Variants in HS6ST3 observed in about 807,000 individuals in gnomAD.
The protein encoded by HS6ST3 is heparan-sulfate 6-O-sulfotransferase 3.
Under a neutral mutation model 36.7 loss-of-function variants are expected in HS6ST3, and 12 were observed. That is an observed-to-expected ratio of 0.33 (90% CI 0.21 to 0.53). The LOEUF is 0.53. Ranked by LOEUF, HS6ST3 falls within the 20% of genes least tolerant of loss-of-function variation. HS6ST3 has a pLI of 0.95. For missense variants in HS6ST3, 584 were observed against 640.9 expected, an observed-to-expected ratio of 0.91 and a Z score of 0.96; for synonymous variants, 240 against 257.5, an observed-to-expected ratio of 0.93 and a Z score of 0.65.
At chr13:96,825,479 G>A (rs1406994301) in intron 1 of HS6ST3, among the ~76,000 whole-genome samples, 2 of 152,180 alleles carry the variant, frequency 1.3e-5, no homozygotes, top group Admixed American at 6.5e-5. Context: ...GCAGGCGGGT[G>A]CATGGCATTT....
At chr13:96,289,976 A>G (rs1158446677) in intron 1 of HS6ST3, among the ~76,000 whole-genome samples, 2 of 152,088 alleles carry the variant, frequency 1.3e-5, no homozygotes, top group Non-Finnish European at 2.9e-5. Context: ...TTCTCCCCAT[A>G]TGACCCTTCT....
intron 1 of HS6ST3, among the ~76,000 whole-genome samples, chr13:96,684,208 G>A (rs1006311742): frequency 6.6e-6 from 1 of 151,944 alleles, no homozygotes; most frequent in Non-Finnish European, 1.5e-5. Context: ...AATGTGTCTT[G>A]TCTCTTGATC....
At chr13:96,548,716 T>C (rs892623922) in intron 1 of HS6ST3, among the ~76,000 whole-genome samples, 2 of 152,230 alleles carry the variant, frequency 1.3e-5, no homozygotes, top group African/African-American at 2.4e-5. Context: ...CGTGGACTGC[T>C]GTAGAACCAG....
chr13:96,156,647 A>G (rs753999857), intron 1 of HS6ST3, among the ~76,000 whole-genome samples: 2 of 152,062 alleles, frequency 1.3e-5, no homozygotes, highest in African/African-American at 2.4e-5. Context: ...TGTGGGGAAG[A>G]GGATTGGTTT....
At chr13:96,334,630 C>T (rs916996190) in intron 1 of HS6ST3, among the ~76,000 whole-genome samples, 12 of 152,028 alleles carry the variant, frequency 7.9e-5, no homozygotes, top group Admixed American at 1.3e-4. Context: ...TACACAGTGG[C>T]GGGGAAGAGA....
At chr13:96,274,839 TCACACACACACACACACACACA>T (rs60430769) in intron 1 of HS6ST3, among the ~76,000 whole-genome samples, 14 of 126,184 alleles carry the variant, frequency 1.1e-4, no homozygotes, top group Admixed American at 2.4e-4. Flanking sequence ...ACTTAGTCCT[TCACACACACACACACACACACA>T]CACACACACA....
chr13:96,354,271 G>T (rs1028929702), intron 1 of HS6ST3, among the ~76,000 whole-genome samples: 1 of 152,098 alleles, frequency 6.6e-6, no homozygotes, highest in Non-Finnish European at 1.5e-5. Flanking sequence ...GCAGAACACT[G>T]GTTGCTATAA....
At chr13:96,407,533 T>A (rs1167101024) in intron 1 of HS6ST3, among the ~76,000 whole-genome samples, 1 of 152,198 alleles carries the variant, frequency 6.6e-6, no homozygotes, top group Non-Finnish European at 1.5e-5. Context: ...GGCGTTCACC[T>A]GGTTAGATAG....
rs1876225604 is a variant in HS6ST3, at chr13:96,734,169, C to G, written c.708-98321C>G. The stretch of plus-strand genomic sequence containing the variant: ...CCATGAGGACACGAACCAGATCTGT[C>G]ATTTCAGTGCATGCTGGCAGTGTGC... On this transcript the variant is annotated intron_variant, in intron 1 of 1. Transcript: ENST00000376705. Among the ~76,000 whole-genome samples, 3 of 152,228 alleles carry G rather than the reference C, an allele frequency of 2.0e-5. No individual in the cohort carries two copies. In the South Asian group the frequency reaches 6.2e-4, roughly 32 times the overall value.
intron 1 of HS6ST3, among the ~76,000 whole-genome samples, chr13:96,369,022 CT>C (rs2055276703): frequency 7.8e-6 from 1 of 128,064 alleles, no homozygotes; most frequent in Admixed American, 9.4e-5. Flanking sequence ...TGTGTTTGGA[CT>C]GAGGAGGATT....
At chr13:96,799,986 A>ATATATATATGTATATATATATATATG (rs1555325255) in intron 1 of HS6ST3, among the ~76,000 whole-genome samples, 4 of 124,298 alleles carry the variant, frequency 3.2e-5, no homozygotes, top group African/African-American at 1.2e-4. Flanking sequence ...ATATATGTAT[A>ATATATATATGTATATATATATATATG]TATATATATA....
chr13:96,169,155 T>C (rs2054175168), intron 1 of HS6ST3, among the ~76,000 whole-genome samples: 1 of 152,096 alleles, frequency 6.6e-6, no homozygotes, highest in Admixed American at 6.6e-5. Flanking sequence ...AGAGTTGAAA[T>C]GAAACTGAAG....
At chr13:96,485,440 T>G (rs2055909367) in intron 1 of HS6ST3, among the ~76,000 whole-genome samples, 1 of 152,198 alleles carries the variant, frequency 6.6e-6, no homozygotes, top group Admixed American at 6.6e-5. Context: ...TCTTGTATCC[T>G]GCAACCTTGC....
At chr13:96,632,272 G>T (rs375807368) in intron 1 of HS6ST3, among the ~76,000 whole-genome samples, 1 of 151,908 alleles carries the variant, frequency 6.6e-6, no homozygotes, top group African/African-American at 2.4e-5. Flanking sequence ...CTCAATCTGG[G>T]ACTTGCCACC....
chr13:96,186,130 T>C (rs1238554363), intron 1 of HS6ST3, among the ~76,000 whole-genome samples: 2 of 152,198 alleles, frequency 1.3e-5, no homozygotes, highest in Non-Finnish European at 2.9e-5. Flanking sequence ...TAATTTTTTT[T>C]CCCTGAAAAT....
intron 1 of HS6ST3, among the ~76,000 whole-genome samples, chr13:96,341,454 A>G (rs1227832563): frequency 6.6e-6 from 1 of 152,188 alleles, no homozygotes; most frequent in East Asian, 1.9e-4. Flanking sequence ...ATAAATCAAT[A>G]ATTTTTTGTA....
rs114331514 is a variant in HS6ST3 at position 96,498,913 on chromosome 13, A to G, written c.708-333577A>G. Among the ~76,000 whole-genome samples the G allele has an allele frequency of 4.8e-3, 727 of 152,352 alleles. 10 individuals carry two copies. The highest frequency in any genetic ancestry group is 0.016 in the African/African-American group (673 of 41,580). On this transcript the variant is annotated intron_variant, in intron 1 of 1. Coordinates refer to ENST00000376705, the MANE Select transcript of HS6ST3 (RefSeq NM_153456.4). ...AGAAAAGACTGAGTCATCCAGGTAC[A>G]ACAGAATATGTTAAATAAGATTTCT...
At chr13:96,248,339 GT>G (rs2054593442) in intron 1 of HS6ST3, among the ~76,000 whole-genome samples, 1 of 152,138 alleles carries the variant, frequency 6.6e-6, no homozygotes, top group Non-Finnish European at 1.5e-5. Context: ...TTCCCAGAGG[GT>G]TTGGCCTTTC....
chr13:96,622,926 T>A lies in HS6ST3; in HGVS notation c.708-209564T>A, dbSNP rs372755984. On this transcript the variant is annotated intron_variant, in intron 1 of 1. Transcript: ENST00000376705. Reference sequence around the variant, plus strand: ...CATTCCAGGTGGTTATTTTCAAGTCTGCCTGGCTTTATAATATCACTCATG... The same window carrying A: ...CATTCCAGGTGGTTATTTTCAAGTCAGCCTGGCTTTATAATATCACTCATG... Among the ~76,000 whole-genome samples, 6 of 152,328 alleles carry A rather than the reference T, an allele frequency of 3.9e-5. No individual in the cohort carries two copies. The South Asian group carries it at 1.2e-3, about 32-fold the overall frequency.
Sources: gnomAD v4.1 joint callset for allele counts (sites outside exome capture counted in the v4.1 genomes callset) on GRCh38, gnomAD v4.1.1 for gene constraint, MANE v1.5 for transcripts, NCBI Gene and HGNC (gene_info 2026-07-23, HGNC 2026-07-21) for gene names.